The following ST3GAL3 variants were observed in gnomAD, a reference collection of about 807,000 sequenced individuals.
ST3GAL3 encodes CMP-N-acetylneuraminate-beta-1,4-galactoside alpha-2,3-sialyltransferase.
In ST3GAL3, 21 loss-of-function variants were observed where a neutral mutation model predicts 50.1. The ratio of observed to expected loss-of-function variants is 0.42; its 90% CI spans 0.30 to 0.60. ST3GAL3 has a LOEUF of 0.60. ST3GAL3 is among the 20% of genes least tolerant of loss of function. The probability of loss-of-function intolerance (pLI) is 0.19; values close to 1 mark genes in which losing one functional copy is unlikely to be tolerated. For synonymous variants in ST3GAL3, 183 were observed against 190.0 expected, an observed-to-expected ratio of 0.96 and a Z score of 0.30; for missense variants, 353 against 489.4, an observed-to-expected ratio of 0.72 and a Z score of 2.63.
At chr1:43,857,544 TCCCTTCCTTC>T in intron 5 of ST3GAL3, among the ~76,000 whole-genome samples, 1 of 102,246 alleles carries the variant, frequency 9.8e-6, no homozygotes, top group Non-Finnish European at 1.9e-5. Flanking sequence ...CCTCCCTCCC[TCCCTTCCTTC>T]CTTTCCTTCC....
chr1:43,733,104 C>G (rs1676648487), intron 1 of ST3GAL3, among the ~76,000 whole-genome samples: 1 of 152,014 alleles, frequency 6.6e-6, no homozygotes, highest in Admixed American at 6.6e-5. Flanking sequence ...AAGCAATCTT[C>G]CCGCCTCAGC....
At chr1:43,901,407 A>C (rs2078250293) in intron 9 of ST3GAL3, among the ~76,000 whole-genome samples, 1 of 152,246 alleles carries the variant, frequency 6.6e-6, no homozygotes. Flanking sequence ...AAAGCCAGGC[A>C]GTTCAAATAA....
intron 4 of ST3GAL3, among the ~76,000 whole-genome samples, chr1:43,825,142 G>C (rs1172591079): frequency 6.6e-6 from 1 of 152,022 alleles, no homozygotes; most frequent in African/African-American, 2.4e-5. Flanking sequence ...AATATGTCAG[G>C]GTCAAGAACC....
chr1:43,827,522 G>GT (rs927494462), intron 4 of ST3GAL3, among the ~76,000 whole-genome samples: 12 of 151,676 alleles, frequency 7.9e-5, no homozygotes, highest in African/African-American at 2.9e-4. Flanking sequence ...GGGTTTTGGG[G>GT]TTTTTTTTGA....
chr1:43,924,523 G>A (rs571147998), intron 11 of ST3GAL3, among the ~76,000 whole-genome samples: 23 of 152,328 alleles, frequency 1.5e-4, no homozygotes, highest in African/African-American at 5.1e-4. Context: ...AGAAGGCAGT[G>A]GGGAGACATG....
intron 5 of ST3GAL3, among the ~76,000 whole-genome samples, chr1:43,848,301 T>C (rs2066628867): frequency 6.9e-6 from 1 of 144,252 alleles, no homozygotes; most frequent in Non-Finnish European, 1.5e-5. Flanking sequence ...TTTCTTTTTT[T>C]TTTTTTTTTT....
intron 4 of ST3GAL3, 108 bp downstream of exon 4, chr1:43,815,041 C>T (rs1573472704): frequency 1.8e-6 from 2 of 1,122,122 alleles, no homozygotes; most frequent in Admixed American, 1.7e-5. Context: ...CTGGGGGACT[C>T]CCTGGGGCCT....
At chr1:43,792,038 A>C (rs2058143582) in intron 2 of ST3GAL3, 64 bp from the exon 3 acceptor site, 1 of 1,596,078 alleles carries the variant, frequency 6.3e-7, no homozygotes, top group African/African-American at 1.3e-5. Context: ...GGGCAGAGCC[A>C]GTGGGAGCTT....
intron 1 of ST3GAL3, among the ~76,000 whole-genome samples, chr1:43,732,296 T>A (rs1676281782): frequency 6.6e-6 from 1 of 152,224 alleles, no homozygotes; most frequent in Non-Finnish European, 1.5e-5. Context: ...TAAAAGACAC[T>A]GCCAGGAGAT....
At chr1:43,793,051 G>A (rs1194245342) in intron 3 of ST3GAL3, among the ~76,000 whole-genome samples, 1 of 152,102 alleles carries the variant, frequency 6.6e-6, no homozygotes, top group African/African-American at 2.4e-5. Flanking sequence ...TCACAAAACA[G>A]CCATGAGGGT....
chr1:43,908,524 C>T (rs1219446968), intron 9 of ST3GAL3, among the ~76,000 whole-genome samples: 5 of 152,158 alleles, frequency 3.3e-5, no homozygotes, highest in African/African-American at 1.2e-4. Context: ...ATGATTTGCG[C>T]AGGCTCAAGC....
At chr1:43,763,812 A>G (rs954534894) in intron 2 of ST3GAL3, among the ~76,000 whole-genome samples, 6 of 152,120 alleles carry the variant, frequency 3.9e-5, no homozygotes, top group Non-Finnish European at 8.8e-5. Flanking sequence ...GGAATCCTCT[A>G]TATCTGCCTT....
chr1:43,856,737 C>T (rs1205019131), intron 5 of ST3GAL3, among the ~76,000 whole-genome samples: 2 of 152,140 alleles, frequency 1.3e-5, no homozygotes, highest in Non-Finnish European at 2.9e-5. Flanking sequence ...TATTCCTTAG[C>T]GTCAGGTGTT....
chr1:43,832,373 T>C (rs1449805910), intron 4 of ST3GAL3, among the ~76,000 whole-genome samples: 2 of 152,148 alleles, frequency 1.3e-5, no homozygotes, highest in African/African-American at 4.8e-5. Context: ...GATCAAGCAG[T>C]CCCTTTTTTC....
chr1:43,788,730 A>G (rs933904828), intron 2 of ST3GAL3, among the ~76,000 whole-genome samples: 7 of 152,362 alleles, frequency 4.6e-5, no homozygotes, highest in South Asian at 2.1e-4. Flanking sequence ...GTTAGGCATC[A>G]GAGCCTCAAA....
intron 5 of ST3GAL3, among the ~76,000 whole-genome samples, chr1:43,852,112 T>A (rs545836968): frequency 5.9e-5 from 9 of 152,332 alleles, no homozygotes; most frequent in African/African-American, 1.9e-4. Context: ...GGTGCTGATG[T>A]GCCCACCCGT....
intron 9 of ST3GAL3, among the ~76,000 whole-genome samples, chr1:43,915,604 T>G (rs191196964): frequency 7.9e-5 from 12 of 152,222 alleles, no homozygotes; most frequent in African/African-American, 2.6e-4. Flanking sequence ...AGGCAGCTGC[T>G]GAGTCTTAGA....
intron 6 of ST3GAL3, 111 bp from the exon 7 acceptor site, chr1:43,898,124 C>T: frequency 8.6e-7 from 1 of 1,166,112 alleles, no homozygotes; most frequent in South Asian, 1.3e-5. Flanking sequence ...CTCTCCACTT[C>T]CACTTTCACT....
In ST3GAL3 at chr1:43,930,617, G is replaced by T. The variant is rs2084892837; in HGVS notation, c.*396G>T. The T allele has an allele frequency of 3.0e-6, 1 of 338,590 alleles. No homozygotes were observed. Among genetic ancestry groups the T allele is most frequent in the Non-Finnish European group, 5.8e-6 (1 of 173,374 alleles). The allele number at this position is 338,590 out of a possible 1,614,324, so 21.0% of individuals were successfully genotyped here. A position where few individuals can be genotyped will look rare whatever the true frequency, so the allele number is the denominator to read the frequency against. ...AATAAGGTTGGAGATGTCAAGTTGG[G>T]TTCACTTGCCATGCAGGAAGAGGCC... On this transcript the variant is annotated 3_prime_UTR_variant, in exon 12 of 12. Transcript: ENST00000347631.
Sources: allele counts gnomAD v4.1 joint callset (sites outside exome capture counted in the v4.1 genomes callset), GRCh38; gene constraint gnomAD v4.1.1; transcripts MANE v1.5; gene names NCBI Gene and HGNC (gene_info 2026-07-23, HGNC 2026-07-21).